Variants in CENPO observed in about 807,000 individuals in gnomAD.
The protein encoded by CENPO is centromere protein O.
CENPO carries 30 observed loss-of-function variants against 36.1 expected under a neutral mutation model. The ratio of observed to expected loss-of-function variants is 0.83; its 90% confidence interval spans 0.62 to 1.13. The LOEUF is 1.13. Among genes scored for constraint, CENPO ranks in the 50% most tolerant of loss-of-function variants. The probability of loss-of-function intolerance (pLI) is 0.00; values close to 1 mark genes in which losing one functional copy is unlikely to be tolerated. For missense variants in CENPO, 349 were observed against 357.8 expected, an observed-to-expected ratio of 0.98 and a Z score of 0.20; for synonymous variants, 171 against 142.3, an observed-to-expected ratio of 1.20 and a Z score of -1.44.
At chr2:24,812,226 A>G (rs574955584) in intron 3 of CENPO, among the ~76,000 whole-genome samples, 4 of 152,268 alleles carry the variant, frequency 2.6e-5, no homozygotes, top group Non-Finnish European at 4.4e-5. Context: ...TTCAAACTTT[A>G]TATCATTCTG....
rs149093802 is a variant in CENPO, at chr2:24,812,945, G to A, written c.217-1431G>A. Among the ~76,000 whole-genome samples the A allele has an allele frequency of 1.7e-4, 21 of 125,442 alleles. No individual in the cohort carries two copies. In the East Asian group the frequency reaches 5.4e-3, roughly 32 times the overall value. 82.3% of individuals were successfully genotyped at this position (125,442 alleles called of 152,430 possible). A position where few individuals can be genotyped will look rare whatever the true frequency, so the allele number is the denominator to read the frequency against. ...TTTTTAATTCAATGATGAGTATTGTGTATGAAAAAATATACGGAGGTCAGG... is the reference window on the plus strand; with the variant it reads ...TTTTTAATTCAATGATGAGTATTGTATATGAAAAAATATACGGAGGTCAGG... On this transcript the variant is annotated intron_variant, in intron 3 of 7. Coordinates refer to ENST00000380834, the MANE Select transcript of CENPO (RefSeq NM_001322101.2).
At chr2:24,794,483 G>A (rs986643417) in intron 2 of CENPO, among the ~76,000 whole-genome samples, 2 of 152,186 alleles carry the variant, frequency 1.3e-5, no homozygotes, top group African/African-American at 4.8e-5. Context: ...TGGTGGAAAA[G>A]TATTGAACTC....
chr2:24,800,994 T>C (rs1031910625), intron 3 of CENPO, among the ~76,000 whole-genome samples: 9 of 152,160 alleles, frequency 5.9e-5, no homozygotes, highest in African/African-American at 2.2e-4. Flanking sequence ...ACCTGTTGTT[T>C]CCTGACTTTT....
rs1666949636 is a variant in CENPO, at chr2:24,816,648, T to G, written c.597T>G (p.Ser199Arg). Reference sequence around the variant, plus strand: ...GTTTTGTTCCTCACCCCTCTTAGAGTGACTTTGCAGCCCTCCTGACTGGGC... The same window carrying G: ...GTTTTGTTCCTCACCCCTCTTAGAGGGACTTTGCAGCCCTCCTGACTGGGC... ...GRKYQADRLQSDFAALLTGPL... is the reference protein window; with the variant it reads ...GRKYQADRLQRDFAALLTGPL... Residue 199 changes from serine to arginine, a missense_variant and splice_region_variant, in exon 6 of 8, where the codon AGT (serine) becomes AGG (arginine). By Grantham distance (110) the Ser-to-Arg change is moderately radical. Transcript: ENST00000380834. 6.2e-7 allele frequency: 1 copy of G among 1,603,578 alleles called. No homozygotes were observed. The highest frequency in any genetic ancestry group is 8.5e-7 in the Non-Finnish European group (1 of 1,175,364).
Position 24,816,767 on chromosome 2 carries a change from A to T in CENPO, c.716A>T (p.Tyr239Phe), listed in dbSNP as rs2148291693. Residue 239 changes from tyrosine (Y) to phenylalanine (F), a missense_variant, in exon 6 of 8, where the codon TAT (tyrosine) becomes TTT (phenylalanine). Transcript: ENST00000380834. ...TTCCCGTTCTGTGCTAGATTGCTGT[A>T]TAAGGACCTCACAGCAACTCTTCCC... ...QSFPFCARLL[Y>F]KDLTATLPTD... 2.5e-6 allele frequency: 4 copies of T among 1,610,852 alleles called. No homozygotes were observed. In the East Asian group the frequency reaches 6.7e-5, roughly 27 times the overall value.
At chr2:24,799,046 CTCCAATGGAGTGCAGTGAT>C (rs1666044151) in intron 2 of CENPO, among the ~76,000 whole-genome samples, 1 of 48,338 alleles carries the variant, frequency 2.1e-5, no homozygotes, top group South Asian at 1.3e-3. Context: ...TGCAATGGCA[CTCCAATGGAGTGCAGTGAT>C]CTTGGCTCAC....
intron 3 of CENPO, among the ~76,000 whole-genome samples, chr2:24,807,661 A>G (rs1267704456): frequency 6.6e-6 from 1 of 152,224 alleles, no homozygotes; most frequent in Admixed American, 6.5e-5. Flanking sequence ...GTATATGCCT[A>G]GTAGAATTGT....
chr2:24,802,962 C>T (rs1366384706), intron 3 of CENPO, among the ~76,000 whole-genome samples: 1 of 152,062 alleles, frequency 6.6e-6, no homozygotes, highest in African/African-American at 2.4e-5. Context: ...TGGTCTTGGA[C>T]TTTTTTTGGT....
chr2:24,813,998 C>T (rs1666824045), intron 3 of CENPO, among the ~76,000 whole-genome samples: 1 of 152,118 alleles, frequency 6.6e-6, no homozygotes, highest in Non-Finnish European at 1.5e-5. Context: ...GCCTTGGAGC[C>T]CTGGCACTTG....
chr2:24,807,268 T>C lies in CENPO; in HGVS notation c.217-7108T>C, dbSNP rs573556829. On this transcript the variant is annotated intron_variant, in intron 3 of 7. Transcript: ENST00000380834. ...CACCCAGAAGCCTCCAGTTTGCCTCTTCCTAGTCTTCTCTTAAGTCTTCTC... is the reference window on the plus strand; with the variant it reads ...CACCCAGAAGCCTCCAGTTTGCCTCCTCCTAGTCTTCTCTTAAGTCTTCTC... Among the ~76,000 whole-genome samples, 25 of 152,158 alleles carry C rather than the reference T, an allele frequency of 1.6e-4. No homozygotes were observed. The South Asian group carries it at 4.6e-3, about 28-fold the overall frequency.
chr2:24,809,169 A>G (rs184345557), intron 3 of CENPO, among the ~76,000 whole-genome samples: 1 of 152,258 alleles, frequency 6.6e-6, no homozygotes, highest in Admixed American at 6.5e-5. Context: ...ACTAGGATGG[A>G]TCAGTGATGA....
chr2:24,794,141 A>G (rs1303299745), intron 2 of CENPO, among the ~76,000 whole-genome samples, 176 bp downstream of exon 2: 1 of 152,204 alleles, frequency 6.6e-6, no homozygotes, highest in Admixed American at 6.5e-5. Flanking sequence ...AGGAGGAAAA[A>G]TGGCTTCGTT....
chr2:24,820,423 C>CT lies in CENPO; in HGVS notation c.*1108dup, dbSNP rs1428538014. 3 of 1,323,238 alleles carry CT rather than the reference C, an allele frequency of 2.3e-6. No homozygotes were observed. Among genetic ancestry groups the CT allele is most frequent in the African/African-American group, 3.0e-5 (2 of 66,326 alleles). 82.0% of individuals were successfully genotyped at this position (1,323,238 alleles called of 1,614,324 possible). ...TGCCTGCTCTTCTGTCCCTTTGCCC[C>CT]TTTCGTGGAGCTTTTCTGCCAGACG... On this transcript the variant is annotated 3_prime_UTR_variant, in exon 8 of 8. Transcript: ENST00000380834.
chr2:24,809,713 G>T (rs536320156), intron 3 of CENPO, among the ~76,000 whole-genome samples: 17 of 147,622 alleles, frequency 1.2e-4, no homozygotes, highest in East Asian at 9.9e-4. Context: ...TGAGTATTTG[G>T]TTTTTTTTTT....
chr2:24,814,536 C>T (rs1335685619), intron 4 of CENPO, 43 bp downstream of exon 4: 9 of 897,872 alleles, frequency 1.0e-5, no homozygotes, highest in African/African-American at 1.6e-5. Flanking sequence ...GGGTCTGCCT[C>T]TAGTGAGTTA....
At chr2:24,799,077 G>A (rs1387675519) in intron 2 of CENPO, among the ~76,000 whole-genome samples, 4 of 141,570 alleles carry the variant, frequency 2.8e-5, no homozygotes, top group African/African-American at 1.1e-4. Flanking sequence ...TTGGCTCACT[G>A]CAACCTCCGC....
At chr2:24,817,034 T>C (rs995888291) in intron 6 of CENPO, among the ~76,000 whole-genome samples, 2 of 152,230 alleles carry the variant, frequency 1.3e-5, no homozygotes, top group Non-Finnish European at 2.9e-5. Flanking sequence ...TTTTCCCTTC[T>C]CCTTTGCCCA....
chr2:24,797,241 G>T (rs946351318), intron 2 of CENPO, among the ~76,000 whole-genome samples: 2 of 152,204 alleles, frequency 1.3e-5, no homozygotes, highest in Non-Finnish European at 2.9e-5. Context: ...GAGGAAGAAA[G>T]TACTGGTTTA....
At position 24,793,498 on chromosome 2, in the gene CENPO, C is replaced by G. The variant is rs573323061; in HGVS notation, c.-72C>G. ...GATGGCGGGAATTCTCGCTTCTGGCCTGGGTGAGCTAGAAGGGAGAAGGTA... is the reference window on the plus strand; with the variant it reads ...GATGGCGGGAATTCTCGCTTCTGGCGTGGGTGAGCTAGAAGGGAGAAGGTA... On this transcript the variant is annotated 5_prime_UTR_variant, in exon 1 of 8. Transcript: ENST00000380834. The G allele has an allele frequency of 2.5e-6, 4 of 1,597,756 alleles. No individual in the cohort carries two copies. The African/African-American group carries it at 4.0e-5, about 16-fold the overall frequency.
Sources: gnomAD v4.1 joint callset for allele counts (sites outside exome capture counted in the v4.1 genomes callset) on GRCh38, gnomAD v4.1.1 for gene constraint, MANE v1.5 for transcripts, NCBI Gene and HGNC (gene_info 2026-07-23, HGNC 2026-07-21) for gene names.